The following PDE11A variants were observed in gnomAD, a reference collection of about 807,000 sequenced individuals.
PDE11A encodes dual 3',5'-cyclic-AMP and -GMP phosphodiesterase 11A.
PDE11A carries 100 observed loss-of-function variants against 100.5 expected under a neutral mutation model. The ratio of observed to expected loss-of-function variants is 1.00; its 90% CI spans 0.85 to 1.18. PDE11A has a LOEUF of 1.18. Ranked by LOEUF, PDE11A falls within the 50% of genes most tolerant of loss-of-function variation. The pLI, the probability that PDE11A is intolerant of heterozygous loss-of-function variation, is 0.00. For synonymous variants in PDE11A, 381 were observed against 420.8 expected, an observed-to-expected ratio of 0.91 and a Z score of 1.16; for missense variants, 1,141 against 1,152.6, an observed-to-expected ratio of 0.99 and a Z score of 0.15.
chr2:178,014,494 G>C (rs377409961), intron 1 of PDE11A, 34 bp from the exon 2 acceptor site: 3 of 1,568,280 alleles, frequency 1.9e-6, no homozygotes, highest in Admixed American at 1.7e-5. Flanking sequence ...TTAACTGCAT[G>C]TGCATTGTTG....
chr2:178,022,605 C>T (rs1432624719), intron 1 of PDE11A, among the ~76,000 whole-genome samples: 1 of 151,998 alleles, frequency 6.6e-6, no homozygotes, highest in African/African-American at 2.4e-5. Context: ...CAATCACCAG[C>T]AGAGCTTCAC....
intron 9 of PDE11A, among the ~76,000 whole-genome samples, chr2:177,804,931 G>A (rs1420430946): frequency 3.3e-5 from 5 of 151,788 alleles, no homozygotes; most frequent in Non-Finnish European, 7.4e-5. Flanking sequence ...GGCTACAAAA[G>A]GTGGGAGGTT....
chr2:178,065,069 T>C (rs543549426), intron 1 of PDE11A, among the ~76,000 whole-genome samples: 1 of 152,280 alleles, frequency 6.6e-6, no homozygotes, highest in South Asian at 2.1e-4. Context: ...ATAGCCTCAA[T>C]GCCTATAAAT....
chr2:177,945,899 C>A (rs1252521122), intron 2 of PDE11A, among the ~76,000 whole-genome samples: 866 of 139,590 alleles, frequency 6.2e-3, no homozygotes, highest in African/African-American at 0.021. Flanking sequence ...CCCTGCCCGG[C>A]CAGCCGCCCC....
At chr2:177,833,854 C>G (rs2083348132) in intron 6 of PDE11A, among the ~76,000 whole-genome samples, 1 of 152,228 alleles carries the variant, frequency 6.6e-6, no homozygotes, top group Non-Finnish European at 1.5e-5. Flanking sequence ...AATTTCCAAC[C>G]TGCCCCACAA....
intron 10 of PDE11A, among the ~76,000 whole-genome samples, chr2:177,761,068 G>A (rs1417319525): frequency 6.6e-6 from 1 of 152,202 alleles, no homozygotes; most frequent in African/African-American, 2.4e-5. Context: ...GTGGTGGTAG[G>A]AGGATACATG....
intron 10 of PDE11A, among the ~76,000 whole-genome samples, chr2:177,738,374 A>G (rs1250257680): frequency 6.6e-6 from 1 of 152,110 alleles, no homozygotes; most frequent in Non-Finnish European, 1.5e-5. Context: ...TCTATGTCTT[A>G]GTAGCAGGAA....
intron 2 of PDE11A, among the ~76,000 whole-genome samples, chr2:177,946,791 G>GC (rs2085442002): frequency 9.4e-6 from 1 of 106,596 alleles, no homozygotes; most frequent in Non-Finnish European, 2.0e-5. Context: ...AGGTGGGGGG[G>GC]TCAGCCCCCC....
intron 2 of PDE11A, chr2:178,092,973 G>C (rs371757420): frequency 1.2e-4 from 18 of 152,300 alleles, no homozygotes; most frequent in African/African-American, 4.3e-4. Context: ...ACCTACAAAG[G>C]TGAAGGTAAG....
chr2:177,985,229 T>C (rs1168457380), intron 2 of PDE11A, among the ~76,000 whole-genome samples: 7 of 152,224 alleles, frequency 4.6e-5, no homozygotes, highest in African/African-American at 1.4e-4. Flanking sequence ...TAGTGCTTTT[T>C]TTTCTTCAAC....
At chr2:177,807,815 T>G (rs2082894976) in intron 9 of PDE11A, among the ~76,000 whole-genome samples, 1 of 151,972 alleles carries the variant, frequency 6.6e-6, no homozygotes, top group Admixed American at 6.5e-5. Context: ...CTGACTAATC[T>G]TTATCCTCAT....
intron 2 of PDE11A, among the ~76,000 whole-genome samples, chr2:177,988,340 G>A (rs942082794): frequency 5.3e-5 from 8 of 152,160 alleles, no homozygotes; most frequent in Non-Finnish European, 1.2e-4. Flanking sequence ...AGGAGTACAT[G>A]CTATCATCAC....
At chr2:177,998,813 T>A in intron 2 of PDE11A, 1 of 673,570 alleles carries the variant, frequency 1.5e-6, no homozygotes, top group South Asian at 1.7e-5. Flanking sequence ...ATCTTCATCC[T>A]TGCCGGCACC....
intron 4 of PDE11A, chr2:177,888,898 C>T (rs889072562): frequency 6.6e-6 from 1 of 152,196 alleles, no homozygotes; most frequent in Non-Finnish European, 1.5e-5. Flanking sequence ...GAACCAGCAC[C>T]ATTGTTATGG....
intron 9 of PDE11A, among the ~76,000 whole-genome samples, chr2:177,792,412 G>T (rs942313770): frequency 1.3e-5 from 2 of 152,098 alleles, no homozygotes; most frequent in African/African-American, 4.8e-5. Context: ...CTTCTGAGTA[G>T]CATGTTATTA....
At chr2:177,923,489 C>T in intron 2 of PDE11A, among the ~76,000 whole-genome samples, 1 of 152,290 alleles carries the variant, frequency 6.6e-6, no homozygotes, top group Middle Eastern at 3.4e-3. Context: ...CTCCTTTTAT[C>T]TCAGCTGTCC....
At chr2:178,074,505 G>A (rs1483579670), upstream of PDE11A, among the ~76,000 whole-genome samples, 1 of 152,174 alleles carries the variant, frequency 6.6e-6, no homozygotes, top group Non-Finnish European at 1.5e-5. Context: ...ATGAAGCAAT[G>A]AGCTTCTCAG....
intron 5 of PDE11A, among the ~76,000 whole-genome samples, chr2:177,868,732 C>T (rs1418451000): frequency 6.6e-6 from 1 of 152,178 alleles, no homozygotes; most frequent in Admixed American, 6.5e-5. Flanking sequence ...TTCTTCCAAG[C>T]TGCTGACACT....
intron 13 of PDE11A, among the ~76,000 whole-genome samples, chr2:177,707,544 T>A (rs1559153045): frequency 6.6e-6 from 1 of 152,202 alleles, no homozygotes; most frequent in Non-Finnish European, 1.5e-5. Flanking sequence ...ATCAGCTCCA[T>A]CCTTCTCTCC....
Sources: gnomAD v4.1 joint callset for allele counts (sites outside exome capture counted in the v4.1 genomes callset) on GRCh38, gnomAD v4.1.1 for gene constraint, MANE v1.5 for transcripts, NCBI Gene and HGNC (gene_info 2026-07-23, HGNC 2026-07-21) for gene names.